Variants in RGS7BP observed in about 807,000 individuals in gnomAD.
The protein encoded by RGS7BP is regulator of G protein signaling 7-binding protein.
In RGS7BP, 9 loss-of-function variants were observed where a neutral mutation model predicts 31.3. That is an observed-to-expected ratio of 0.29 (90% CI 0.17 to 0.50). The LOEUF is 0.50. RGS7BP is among the 20% of genes least tolerant of loss of function. The pLI is 0.98. For missense variants in RGS7BP, 274 were observed against 322.0 expected (o/e 0.85, Z 1.14); for synonymous variants, 115 against 120.1 (o/e 0.96, Z 0.28).
intron 3 of RGS7BP, among the ~76,000 whole-genome samples, chr5:64,585,250 G>A (rs761045509): frequency 6.6e-6 from 1 of 152,104 alleles, no homozygotes; most frequent in Non-Finnish European, 1.5e-5. Flanking sequence ...ATAGGGCACT[G>A]ATACAGTATT....
intron 2 of RGS7BP, among the ~76,000 whole-genome samples, chr5:64,524,362 A>C (rs1749179755): frequency 6.6e-6 from 1 of 152,206 alleles, no homozygotes; most frequent in Admixed American, 6.5e-5. Flanking sequence ...TAAAGTAGTC[A>C]AGTGAAAGGG....
intron 3 of RGS7BP, among the ~76,000 whole-genome samples, chr5:64,583,744 T>C (rs549489754): frequency 6.6e-6 from 1 of 152,316 alleles, no homozygotes; most frequent in South Asian, 2.1e-4. Flanking sequence ...AGAATAAGCA[T>C]GTAGTGTTTG....
intron 2 of RGS7BP, among the ~76,000 whole-genome samples, chr5:64,519,285 G>A (rs768272676): frequency 2.0e-5 from 3 of 152,160 alleles, no homozygotes; most frequent in Admixed American, 2.0e-4. Context: ...TTCATTAAAC[G>A]TTGAACACGT....
Position 64,601,959 on chromosome 5 carries a change from C to T in RGS7BP, c.682+3524C>T, listed in dbSNP as rs137994247. Among the ~76,000 whole-genome samples, 14 of 152,300 alleles carry T rather than the reference C, an allele frequency of 9.2e-5. No individual in the cohort carries two copies. The East Asian group carries it at 2.7e-3, about 29-fold the overall frequency. ...TGTGGGAGGTGTCAGTATGTTCATT[C>T]TTGCATAGAATTTGGTCGTTGATGC... On this transcript the variant is annotated intron_variant, in intron 5 of 5. Transcript: ENST00000334025.
chr5:64,515,025 A>G (rs1748937917), intron 2 of RGS7BP, among the ~76,000 whole-genome samples: 1 of 152,204 alleles, frequency 6.6e-6, no homozygotes, highest in South Asian at 2.1e-4. Context: ...TCTAAAACTA[A>G]CTTTGGAAAA....
intron 3 of RGS7BP, among the ~76,000 whole-genome samples, chr5:64,576,365 A>G (rs1328021680): frequency 6.6e-6 from 1 of 152,234 alleles, no homozygotes; most frequent in African/African-American, 2.4e-5. Context: ...GGCTTAAACC[A>G]TAAAGGAAAT....
chr5:64,521,319 G>A (rs113914139), intron 2 of RGS7BP, among the ~76,000 whole-genome samples: 3,371 of 152,184 alleles, frequency 0.022, 69 homozygotes, highest in African/African-American at 0.055. Context: ...ATGCAGCGCC[G>A]TGGCCTTGGC....
chr5:64,538,362 C>T lies in RGS7BP; in HGVS notation c.332+30485C>T, dbSNP rs184974779. Among the ~76,000 whole-genome samples, 652 of 152,060 alleles carry T rather than the reference C, an allele frequency of 4.3e-3. 4 individuals carry two copies. Among genetic ancestry groups the T allele is most frequent in the African/African-American group, 0.015 (615 of 41,468 alleles). ...CATGTTGCCACTTCATAGTCAATCC[C>T]TTCCCCTTTTCATAGCCCCGGCAAA... On this transcript the variant is annotated intron_variant, in intron 2 of 5. Coordinates refer to ENST00000334025, the MANE Select transcript of RGS7BP (RefSeq NM_001029875.3).
chr5:64,506,639 G>T lies in RGS7BP; in HGVS notation c.15G>T (p.Pro5=), dbSNP rs1748686577. 1.2e-6 allele frequency: 2 copies of T among 1,610,804 alleles called. No individual in the cohort carries two copies. The highest frequency in any genetic ancestry group is 1.8e-4 in the Middle Eastern group (1 of 5,588). Residue 5 remains proline (P), a synonymous_variant, in exon 1 of 6, where the codon CCG becomes CCT. Coordinates refer to ENST00000334025, the MANE Select transcript of RGS7BP (RefSeq NM_001029875.3). The surrounding 1 kb of genome is among the most constrained non-coding windows in gnomAD (Gnocchi z 4.6). MSSA[P]NGRKKRPSRS... ...GATGTGTATGCATGAGTTCTGCACC[G>T]AATGGGCGCAAAAAGCGCCCCAGCC...
At chr5:64,546,187 TG>T (rs1477418264) in intron 2 of RGS7BP, among the ~76,000 whole-genome samples, 1 of 151,974 alleles carries the variant, frequency 6.6e-6, no homozygotes, top group Non-Finnish European at 1.5e-5. Context: ...AACAAAAGTC[TG>T]ACCAATAAGG....
At position 64,506,086 on chromosome 5, in the gene RGS7BP, T is replaced by C. The variant is rs1748667796; in HGVS notation, c.-539T>C. 6.6e-6 allele frequency among the ~76,000 whole-genome samples: 1 copy of C among 152,078 alleles called. No individual in the cohort carries two copies. Among genetic ancestry groups the C allele is most frequent in the Non-Finnish European group, 1.5e-5 (1 of 68,014 alleles). ...AGAGACGAGGGATCAAGGCAGCCGA[T>C]TAGAGCCAATTGCTTGCTTTGGGGA... On this transcript the variant is annotated 5_prime_UTR_variant, in exon 1 of 6. Transcript: ENST00000334025. The surrounding 1 kb of genome is among the most constrained non-coding windows in gnomAD (Gnocchi z 4.6).
At chr5:64,567,027 T>C (rs1742187112) in intron 2 of RGS7BP, among the ~76,000 whole-genome samples, 1 of 151,926 alleles carries the variant, frequency 6.6e-6, no homozygotes, top group Admixed American at 6.6e-5. Context: ...TTACCTGTCC[T>C]CAAACGGACC....
At chr5:64,608,981 T>C (rs1743435254) in intron 5 of RGS7BP, among the ~76,000 whole-genome samples, 180 bp from the exon 6 acceptor site, 2 of 152,010 alleles carry the variant, frequency 1.3e-5, no homozygotes, top group Admixed American at 6.6e-5. Flanking sequence ...GGGATGCTAC[T>C]AAACATTCCA....
At chr5:64,554,822 A>T (rs1741883372) in intron 2 of RGS7BP, among the ~76,000 whole-genome samples, 1 of 152,140 alleles carries the variant, frequency 6.6e-6, no homozygotes, top group Non-Finnish European at 1.5e-5. Flanking sequence ...TGAAAACATG[A>T]GACAAAAGAG....
At chr5:64,510,534 G>A (rs565939266) in intron 2 of RGS7BP, among the ~76,000 whole-genome samples, 100 of 152,318 alleles carry the variant, frequency 6.6e-4, no homozygotes, top group African/African-American at 2.3e-3. Flanking sequence ...ACCTAGGACT[G>A]GAGGCGAGAG....
At chr5:64,589,735 G>T (rs1269968155) in intron 3 of RGS7BP, among the ~76,000 whole-genome samples, 2 of 152,006 alleles carry the variant, frequency 1.3e-5, no homozygotes, top group African/African-American at 2.4e-5. Flanking sequence ...GGATCAGTTT[G>T]AGCAACACAG....
intron 2 of RGS7BP, among the ~76,000 whole-genome samples, chr5:64,513,141 C>T (rs761339278): frequency 5.9e-5 from 9 of 152,088 alleles, no homozygotes; most frequent in African/African-American, 7.2e-5. Flanking sequence ...GATTGAATTC[C>T]GGAAATAATA....
chr5:64,517,905 CTT>C (rs1021514520), intron 2 of RGS7BP, among the ~76,000 whole-genome samples: 12 of 151,704 alleles, frequency 7.9e-5, no homozygotes, highest in African/African-American at 2.4e-4. Flanking sequence ...GATTGAGACT[CTT>C]TAAAAAATTT....
At chr5:64,547,713 A>G (rs1275837849) in intron 2 of RGS7BP, among the ~76,000 whole-genome samples, 1 of 152,338 alleles carries the variant, frequency 6.6e-6, no homozygotes, top group East Asian at 1.9e-4. Flanking sequence ...CATCTAATAT[A>G]TTAGAAAGAA....
Sources: allele counts gnomAD v4.1 joint callset (sites outside exome capture counted in the v4.1 genomes callset), GRCh38; gene constraint gnomAD v4.1.1; non-coding constraint Gnocchi (gnomAD v3.1); transcripts MANE v1.5; gene names NCBI Gene and HGNC (gene_info 2026-07-23, HGNC 2026-07-21).